GPC6: variants seen among roughly 807,000 people sequenced by gnomAD.
The protein encoded by GPC6 is glypican-6.
GPC6 carries 14 observed loss-of-function variants against 55.2 expected under a neutral mutation model. The ratio of observed to expected loss-of-function variants is 0.25; its 90% confidence interval spans 0.17 to 0.40. The LOEUF is 0.40. Ranked by LOEUF, GPC6 falls within the 10% of genes least tolerant of loss-of-function variation. GPC6 has a pLI of 1.00. For missense variants in GPC6, 641 were observed against 708.5 expected (o/e 0.90, Z 1.08); for synonymous variants, 278 against 259.6 (o/e 1.07, Z -0.68).
chr13:94,088,197 T>C (rs968647934), intron 4 of GPC6, among the ~76,000 whole-genome samples: 2 of 152,164 alleles, frequency 1.3e-5, no homozygotes, highest in African/African-American at 4.8e-5. Context: ...TAATTCAATG[T>C]TGATTGTGAC....
intron 3 of GPC6, among the ~76,000 whole-genome samples, chr13:93,966,545 C>T (rs1202680246): frequency 2.0e-5 from 3 of 152,116 alleles, no homozygotes; most frequent in African/African-American, 7.2e-5. Context: ...AACTTTAGCC[C>T]AGCCCAAGTC....
chr13:93,646,274 T>C (rs1880165785), intron 2 of GPC6, among the ~76,000 whole-genome samples: 1 of 152,136 alleles, frequency 6.6e-6, no homozygotes, highest in African/African-American at 2.4e-5. Flanking sequence ...GTCAAATTTG[T>C]TGAAGCAAGT....
rs370072924 is a variant in GPC6, at chr13:93,957,952, C to T, written c.712-69777C>T. Among the ~76,000 whole-genome samples the T allele has an allele frequency of 2.3e-3, 347 of 152,312 alleles. 3 individuals are homozygous for T. Among genetic ancestry groups the T allele is most frequent in the South Asian group, 0.017 (80 of 4,824 alleles). ...CTCATTGTGGTTTTGATTTGCATTT[C>T]TCTGACAATTAGTGATGATGACCAT... On this transcript the variant is annotated intron_variant, in intron 3 of 8. Transcript: ENST00000377047.
intron 4 of GPC6, among the ~76,000 whole-genome samples, chr13:94,213,716 C>T (rs1479271698): frequency 6.6e-6 from 1 of 152,148 alleles, no homozygotes; most frequent in Non-Finnish European, 1.5e-5. Flanking sequence ...CTGTGGAGGT[C>T]TCTTGAGACC....
chr13:93,640,783 CCCTCCCTTCCT>C lies in GPC6; in HGVS notation c.319+95366_319+95376del, dbSNP rs1445050406. ...TCCCTCCTCCCCACTTTCCTTCCCTCCCTCCCTTCCTCCTTCCTTCCTTCCTTCCTTCTTTC... is the reference window on the plus strand; with the variant it reads ...TCCCTCCTCCCCACTTTCCTTCCCTCCCTTCCTTCCTTCCTTCCTTCTTTC... On this transcript the variant is annotated intron_variant, in intron 2 of 8. Transcript: ENST00000377047. 1.0e-3 allele frequency among the ~76,000 whole-genome samples: 79 copies of C among 76,680 alleles called. 1 individual carries two copies. Among genetic ancestry groups the C allele is most frequent in the African/African-American group, 4.1e-3 (70 of 16,940 alleles). The allele number at this position is 76,680 out of a possible 152,430, so 50.3% of individuals were successfully genotyped here.
Position 94,063,837 on chromosome 13 carries a change from G to C in GPC6, c.877+35943G>C, listed in dbSNP as rs899542321. ...CACATTTCAGCATTACATTCAGTTT[G>C]TTTATATCATTATCTCATTTGCCTC... On this transcript the variant is annotated intron_variant, in intron 4 of 8. Transcript: ENST00000377047. Among the ~76,000 whole-genome samples, 52 of 152,090 alleles carry C rather than the reference G, an allele frequency of 3.4e-4. 1 individual carries two copies. Among genetic ancestry groups the C allele is most frequent in the Admixed American group, 3.3e-3 (51 of 15,260 alleles).
At chr13:93,892,624 CTT>C (rs989230282) in intron 3 of GPC6, among the ~76,000 whole-genome samples, 5 of 152,134 alleles carry the variant, frequency 3.3e-5, no homozygotes, top group African/African-American at 1.2e-4. Flanking sequence ...ATAACATACT[CTT>C]TTATATATAC....
chr13:93,388,554 T>C (rs2139214209), intron 1 of GPC6, among the ~76,000 whole-genome samples: 1 of 152,302 alleles, frequency 6.6e-6, no homozygotes, highest in East Asian at 1.9e-4. Context: ...AGGTCACCAA[T>C]TAAGCTGAAT....
chr13:93,530,833 C>A (rs952402181), intron 1 of GPC6, among the ~76,000 whole-genome samples: 1 of 152,106 alleles, frequency 6.6e-6, no homozygotes, highest in African/African-American at 2.4e-5. Flanking sequence ...AATCTCTCCC[C>A]ACTTCAACAT....
At chr13:93,948,362 TC>T (rs1450972916) in intron 3 of GPC6, among the ~76,000 whole-genome samples, 1 of 152,230 alleles carries the variant, frequency 6.6e-6, no homozygotes, top group East Asian at 1.9e-4. Flanking sequence ...ACAAATGTTT[TC>T]TTTCAGAAGA....
chr13:93,494,465 G>C (rs1244322235), intron 1 of GPC6, among the ~76,000 whole-genome samples: 3 of 152,162 alleles, frequency 2.0e-5, no homozygotes, highest in Admixed American at 6.5e-5. Context: ...GATGGGTCTT[G>C]ACTTTTTATC....
chr13:93,853,126 A>C (rs1888467906), intron 3 of GPC6, among the ~76,000 whole-genome samples: 1 of 151,700 alleles, frequency 6.6e-6, no homozygotes, highest in African/African-American at 2.4e-5. Context: ...GTTTTATTTA[A>C]AAACCAAAAC....
At chr13:93,281,225 CT>C (rs985053546) in intron 1 of GPC6, among the ~76,000 whole-genome samples, 3 of 152,084 alleles carry the variant, frequency 2.0e-5, no homozygotes, top group Non-Finnish European at 2.9e-5. Flanking sequence ...ATTAAAGTTG[CT>C]TTTTTGTTGT....
At chr13:93,861,501 A>G (rs995015012) in intron 3 of GPC6, among the ~76,000 whole-genome samples, 3 of 151,708 alleles carry the variant, frequency 2.0e-5, no homozygotes, top group South Asian at 4.2e-4. Flanking sequence ...CAGCCACTGA[A>G]TGTAGATAGG....
chr13:94,207,874 T>C (rs543182712), intron 4 of GPC6, among the ~76,000 whole-genome samples: 2 of 152,300 alleles, frequency 1.3e-5, no homozygotes, highest in East Asian at 3.9e-4. Context: ...GCAAAAGTAA[T>C]TGCGATTTAC....
chr13:93,499,206 T>C (rs1353820536), intron 1 of GPC6, among the ~76,000 whole-genome samples: 1 of 152,142 alleles, frequency 6.6e-6, no homozygotes, highest in African/African-American at 2.4e-5. Context: ...TGACTATCCA[T>C]GTGGTTCTTA....
At chr13:93,760,710 C>G (rs1566521727) in intron 2 of GPC6, among the ~76,000 whole-genome samples, 1 of 152,184 alleles carries the variant, frequency 6.6e-6, no homozygotes, top group Admixed American at 6.5e-5. Context: ...ATATACCAAC[C>G]TTTGATATGC....
intron 4 of GPC6, among the ~76,000 whole-genome samples, chr13:94,195,583 T>G (rs1205755594): frequency 1.3e-5 from 2 of 152,220 alleles, no homozygotes; most frequent in African/African-American, 4.8e-5. Flanking sequence ...GCTTCCTCAT[T>G]CATAAAACAG....
At chr13:93,585,465 T>G (rs1204879417) in intron 2 of GPC6, among the ~76,000 whole-genome samples, 1 of 152,230 alleles carries the variant, frequency 6.6e-6, no homozygotes, top group East Asian at 1.9e-4. Context: ...AGATCAACAG[T>G]GTTTTAAATG....
Sources: gnomAD v4.1 joint callset for allele counts (sites outside exome capture counted in the v4.1 genomes callset) on GRCh38, gnomAD v4.1.1 for gene constraint, MANE v1.5 for transcripts, NCBI Gene and HGNC (gene_info 2026-07-23, HGNC 2026-07-21) for gene names.